Variants in ZNF569 observed in about 807,000 individuals in gnomAD.
The protein encoded by ZNF569 is DNA-binding protein.
Under a neutral mutation model 56.3 loss-of-function variants are expected in ZNF569, and 38 were observed. The observed-to-expected ratio is 0.68, with a 90% CI of 0.52 to 0.88. The LOEUF (loss-of-function observed/expected upper bound fraction) is 0.88, where lower values mean the gene tolerates loss of function less well. ZNF569 is among the 40% of genes least tolerant of loss of function. The probability of loss-of-function intolerance (pLI) is 0.00; values close to 1 mark genes in which losing one functional copy is unlikely to be tolerated. For synonymous variants in ZNF569, 241 were observed against 262.9 expected, an observed-to-expected ratio of 0.92 and a Z score of 0.81; for missense variants, 666 against 809.2, an observed-to-expected ratio of 0.82 and a Z score of 2.15.
chr19:37,450,188 C>T (rs1183431168), intron 2 of ZNF569, among the ~76,000 whole-genome samples: 1 of 152,126 alleles, frequency 6.6e-6, no homozygotes, highest in African/African-American at 2.4e-5. Flanking sequence ...CTGGTCCCTC[C>T]TCCTCAATAT....
At chr19:37,434,299 C>CAA (rs1165065037) in intron 3 of ZNF569, among the ~76,000 whole-genome samples, 1 of 71,374 alleles carries the variant, frequency 1.4e-5, no homozygotes, top group Non-Finnish European at 3.1e-5. Flanking sequence ...GACTCTGTCT[C>CAA]AAAAAAAAAA....
At chr19:37,425,763 C>T in intron 5 of ZNF569, 105 bp downstream of exon 5, 1 of 995,208 alleles carries the variant, frequency 1.0e-6, no homozygotes, top group Non-Finnish European at 1.5e-6. Flanking sequence ...CTGTGCCAAC[C>T]TCTGAAAATA....
chr19:37,450,455 T>C (rs781543264), intron 2 of ZNF569, among the ~76,000 whole-genome samples: 5 of 152,204 alleles, frequency 3.3e-5, no homozygotes, highest in Admixed American at 1.3e-4. Flanking sequence ...GTTCACAGTT[T>C]TTTCTTAAGA....
chr19:37,425,983 T>C lies in ZNF569; in HGVS notation c.143-20A>G, dbSNP rs746445375. The C allele has an allele frequency of 4.3e-6, 7 of 1,612,256 alleles. No individual in the cohort carries two copies. Among genetic ancestry groups the C allele is most frequent in the Admixed American group, 1.7e-5 (1 of 59,996 alleles). On this transcript the variant is annotated intron_variant, in intron 4 of 5. Coordinates refer to ENST00000316950, the MANE Select transcript of ZNF569 (RefSeq NM_152484.3). ...GATAGCCTGTCAAAGGGAAGTTACATAGATTTGGGCATACATACTAGGAAC... is the reference window on the plus strand; with the variant it reads ...GATAGCCTGTCAAAGGGAAGTTACACAGATTTGGGCATACATACTAGGAAC...
intron 5 of ZNF569, among the ~76,000 whole-genome samples, chr19:37,421,821 C>G (rs1030699750): frequency 1.4e-5 from 2 of 141,922 alleles, no homozygotes; most frequent in Non-Finnish European, 3.0e-5. Flanking sequence ...GTGATCTCAG[C>G]TCATTGCAAC....
At chr19:37,422,612 G>C (rs532185418) in intron 5 of ZNF569, among the ~76,000 whole-genome samples, 4 of 152,244 alleles carry the variant, frequency 2.6e-5, no homozygotes, top group Middle Eastern at 3.4e-3. Flanking sequence ...CATTTGCCAA[G>C]CACAATAAAA....
intron 5 of ZNF569, 129 bp downstream of exon 5, chr19:37,425,739 A>C: frequency 1.3e-6 from 1 of 754,096 alleles, no homozygotes; most frequent in Non-Finnish European, 2.2e-6. Flanking sequence ...TGCTGGGACT[A>C]TAGGTATGAA....
At chr19:37,435,412 GA>G (rs1317537527) in intron 3 of ZNF569, among the ~76,000 whole-genome samples, 1 of 152,086 alleles carries the variant, frequency 6.6e-6, no homozygotes, top group Non-Finnish European at 1.5e-5. Flanking sequence ...AGGAAAGGAG[GA>G]AAAGAAGACC....
chr19:37,435,140 A>T (rs73027386), intron 3 of ZNF569, among the ~76,000 whole-genome samples: 18,159 of 152,180 alleles, frequency 0.12, 1,269 homozygotes, highest in Non-Finnish European at 0.16. Flanking sequence ...ATAAATAAAT[A>T]AATTAAAAAG....
chr19:37,423,661 G>T (rs1404461437), intron 5 of ZNF569, among the ~76,000 whole-genome samples: 1 of 152,150 alleles, frequency 6.6e-6, no homozygotes, highest in Admixed American at 6.5e-5. Flanking sequence ...TATGACAGAT[G>T]ATGTGCCAAT....
intron 2 of ZNF569, among the ~76,000 whole-genome samples, chr19:37,448,461 T>C (rs1028453550): frequency 7.2e-5 from 11 of 152,038 alleles, no homozygotes; most frequent in Non-Finnish European, 1.3e-4. Flanking sequence ...TTTCTTTTTT[T>C]CAACTTTTAT....
Position 37,411,409 on chromosome 19 carries a change from G to A in ZNF569, c.*1188C>T, listed in dbSNP as rs1393786280. The A allele has an allele frequency of 6.6e-6, 1 of 151,984 alleles. No homozygotes were observed. Among genetic ancestry groups the A allele is most frequent in the African/African-American group, 2.4e-5 (1 of 41,392 alleles). The allele number at this position is 151,984 out of a possible 1,614,324, so 9.4% of individuals were successfully genotyped here. ...TAGGTAGATTTTGTTTCTAAATTCTGTATTTTATCACAGAAATGATCACAC... is the reference window on the plus strand; with the variant it reads ...TAGGTAGATTTTGTTTCTAAATTCTATATTTTATCACAGAAATGATCACAC... On this transcript the variant is annotated 3_prime_UTR_variant, in exon 6 of 6. Transcript: ENST00000316950.
chr19:37,436,073 C>G (rs1310526945), intron 3 of ZNF569, among the ~76,000 whole-genome samples: 1 of 152,102 alleles, frequency 6.6e-6, no homozygotes, highest in East Asian at 1.9e-4. Context: ...AGATCACTCT[C>G]AAGCATAGAC....
chr19:37,463,399 C>T (rs1418772985), intron 2 of ZNF569, among the ~76,000 whole-genome samples: 1 of 152,166 alleles, frequency 6.6e-6, no homozygotes, highest in East Asian at 1.9e-4. Flanking sequence ...TATATAAGTA[C>T]ACTCTATGAT....
Position 37,425,862 on chromosome 19 carries a change from A to C in ZNF569, c.238+6T>G. 1 of 1,612,368 alleles carries C rather than the reference A, an allele frequency of 6.2e-7. No individual in the cohort carries two copies. The highest frequency in any genetic ancestry group is 1.1e-5 in the South Asian group (1 of 91,018). On this transcript the variant is annotated splice_donor_region_variant and intron_variant, in intron 5 of 5. Transcript: ENST00000316950. Reference sequence around the variant, plus strand: ...CTCCTCACCTGTCTGGTTCCCTTCCACTAACCTTGCCAGTGTCTCCTTAAT... The same window carrying C: ...CTCCTCACCTGTCTGGTTCCCTTCCCCTAACCTTGCCAGTGTCTCCTTAAT...
chr19:37,422,590 A>T (rs552770397), intron 5 of ZNF569, among the ~76,000 whole-genome samples: 5 of 152,250 alleles, frequency 3.3e-5, no homozygotes, highest in African/African-American at 7.2e-5. Context: ...TTCAATTTAT[A>T]AAAAAATGCA....
intron 2 of ZNF569, among the ~76,000 whole-genome samples, chr19:37,451,353 T>A (rs954659202): frequency 2.0e-5 from 3 of 146,954 alleles, no homozygotes; most frequent in Non-Finnish European, 3.0e-5. Context: ...TGAGCCGAGA[T>A]CGTGCCACTG....
At chr19:37,422,587 T>C (rs2041056655) in intron 5 of ZNF569, among the ~76,000 whole-genome samples, 1 of 152,158 alleles carries the variant, frequency 6.6e-6, no homozygotes, top group Non-Finnish European at 1.5e-5. Flanking sequence ...GCCTTCAATT[T>C]ATAAAAAAAT....
Position 37,413,220 on chromosome 19 carries a change from T to A in ZNF569, c.1438A>T (p.Asn480Tyr), listed in dbSNP as rs1272761196. 3 of 1,610,432 alleles carry A rather than the reference T, an allele frequency of 1.9e-6. No individual in the cohort carries two copies. The highest frequency in any genetic ancestry group is 2.5e-6 in the Non-Finnish European group (3 of 1,178,860). Reference protein sequence around the residue: ...ECGKAFSQKSNLIAHEKIHSG... With the variant: ...ECGKAFSQKSYLIAHEKIHSG... Reference sequence around the variant, plus strand: ...TGAATTTTTTCATGAGCAATGAGATTTGATTTCTGGCTAAAGGCTTTCCCA... The same window carrying A: ...TGAATTTTTTCATGAGCAATGAGATATGATTTCTGGCTAAAGGCTTTCCCA... The change falls in exon 6 of 6, where the codon AAT becomes TAT. Residue 480 changes from asparagine (N) to tyrosine (Y), a missense_variant. By Grantham distance (143) the Asn-to-Tyr change is moderately radical (BLOSUM62 -2). Coordinates refer to ENST00000316950, the MANE Select transcript of ZNF569 (RefSeq NM_152484.3).
Sources: gnomAD v4.1 joint callset for allele counts (sites outside exome capture counted in the v4.1 genomes callset) on GRCh38, gnomAD v4.1.1 for gene constraint, MANE v1.5 for transcripts, NCBI Gene and HGNC (gene_info 2026-07-23, HGNC 2026-07-21) for gene names.